TPD52: variants seen among roughly 807,000 people sequenced by gnomAD.
TPD52 encodes tumor protein D52.
TPD52 carries 17 observed loss-of-function variants against 31.3 expected under a neutral mutation model. The ratio of observed to expected loss-of-function variants is 0.54; its 90% CI spans 0.37 to 0.82. TPD52 has a LOEUF of 0.82. Ranked by LOEUF, TPD52 falls within the 40% of genes least tolerant of loss-of-function variation. The pLI is 0.00. For synonymous variants in TPD52, 83 were observed against 89.6 expected, an observed-to-expected ratio of 0.93 and a Z score of 0.42; for missense variants, 212 against 240.1, an observed-to-expected ratio of 0.88 and a Z score of 0.77.
At chr8:80,147,624 C>A (rs1207633588) in intron 1 of TPD52, among the ~76,000 whole-genome samples, 5 of 152,162 alleles carry the variant, frequency 3.3e-5, no homozygotes, top group Non-Finnish European at 7.3e-5. Context: ...GTGGCAGCGG[C>A]CACCCCAGCT....
chr8:80,082,558 A>G (rs1815401242), intron 1 of TPD52, among the ~76,000 whole-genome samples: 1 of 152,210 alleles, frequency 6.6e-6, no homozygotes, highest in Non-Finnish European at 1.5e-5. Context: ...GACCTTTGGT[A>G]TTTACATCCA....
At chr8:80,133,146 G>A (rs1028844545) in intron 1 of TPD52, among the ~76,000 whole-genome samples, 2 of 152,108 alleles carry the variant, frequency 1.3e-5, no homozygotes, top group East Asian at 3.9e-4. Flanking sequence ...TGTAAAACCA[G>A]GTATGCACAT....
At chr8:80,056,350 T>C (rs1811886847) in intron 2 of TPD52, among the ~76,000 whole-genome samples, 1 of 152,144 alleles carries the variant, frequency 6.6e-6, no homozygotes, top group South Asian at 2.1e-4. Flanking sequence ...AGTAAAATTG[T>C]GGGTGTTAGA....
At chr8:80,163,478 T>C (rs1295828152) in intron 1 of TPD52, among the ~76,000 whole-genome samples, 7 of 152,112 alleles carry the variant, frequency 4.6e-5, no homozygotes, top group Non-Finnish European at 8.8e-5. Flanking sequence ...AATGGGGAAG[T>C]TGGGAAGCTG....
intron 1 of TPD52, among the ~76,000 whole-genome samples, chr8:80,130,133 C>T (rs1482196439): frequency 6.6e-6 from 1 of 152,056 alleles, no homozygotes; most frequent in East Asian, 1.9e-4. Flanking sequence ...AGAGAGAAGA[C>T]AAGAGCATCT....
At chr8:80,047,700 T>C (rs1811004036) in intron 5 of TPD52, among the ~76,000 whole-genome samples, 1 of 152,194 alleles carries the variant, frequency 6.6e-6, no homozygotes, top group African/African-American at 2.4e-5. Context: ...AAGATATTCT[T>C]TTTCTGACAC....
chr8:80,062,481 A>G (rs1812655845), intron 2 of TPD52, among the ~76,000 whole-genome samples: 1 of 152,226 alleles, frequency 6.6e-6, no homozygotes, highest in African/African-American at 2.4e-5. Context: ...GGATTTAGAA[A>G]TGGATTCTTA....
At position 80,057,703 on chromosome 8, in the gene TPD52, A is replaced by C. The variant is rs118047084; in HGVS notation, c.136-4273T>G. 3.8e-3 allele frequency among the ~76,000 whole-genome samples: 571 copies of C among 152,246 alleles called. 8 individuals carry two copies. Among genetic ancestry groups the C allele is most frequent in the East Asian group, 0.031 (161 of 5,186 alleles). ...GAGAGTTGGGGGAAAGAGCTGAAAA[A>C]CCATGTTCACTACTTGGGCAACAGG... On this transcript the variant is annotated intron_variant, in intron 2 of 7. Coordinates refer to ENST00000518937, the MANE Select transcript of TPD52 (RefSeq NM_001025253.3).
intron 1 of TPD52, among the ~76,000 whole-genome samples, chr8:80,106,979 G>C (rs1807177043): frequency 1.3e-5 from 2 of 151,696 alleles, no homozygotes; most frequent in South Asian, 4.2e-4. Context: ...AGCCTCCCGA[G>C]TAGCTGGGAC....
intron 1 of TPD52, among the ~76,000 whole-genome samples, chr8:80,087,848 C>A (rs1201100820): frequency 6.6e-6 from 1 of 152,200 alleles, no homozygotes; most frequent in African/African-American, 2.4e-5. Context: ...CACCCCACAC[C>A]TCTTCATTCC....
intron 1 of TPD52, among the ~76,000 whole-genome samples, chr8:80,144,554 TA>T (rs1181194555): frequency 1.3e-5 from 2 of 152,212 alleles, no homozygotes; most frequent in Admixed American, 1.3e-4. Context: ...CTATGAAAGA[TA>T]ACAGATAGGT....
At chr8:80,044,024 A>T (rs1166191706) in intron 6 of TPD52, 143 bp downstream of exon 6, 3 of 635,632 alleles carry the variant, frequency 4.7e-6, no homozygotes, top group Admixed American at 3.6e-5. Flanking sequence ...GAGGAAGTGT[A>T]GCTGAAAACT....
chr8:80,139,501 A>C (rs1310830568), intron 1 of TPD52, among the ~76,000 whole-genome samples: 1 of 152,222 alleles, frequency 6.6e-6, no homozygotes, highest in Admixed American at 6.5e-5. Flanking sequence ...AAGACTGTAC[A>C]GTATATGGTC....
rs1318787378 is a variant in TPD52 at position 80,050,481 on chromosome 8, G to A, written c.387-10C>T. On this transcript the variant is annotated splice_polypyrimidine_tract_variant and intron_variant, in intron 4 of 7. Transcript: ENST00000518937. ...TGAAAAGGCTTGCAATCTGTAAGAA[G>A]CCAGAGTAAGCATTAAAAAAGAAAG... 1 of 1,601,476 alleles carries A rather than the reference G, an allele frequency of 6.2e-7. No homozygotes were observed. Among genetic ancestry groups the A allele is most frequent in the Non-Finnish European group, 8.5e-7 (1 of 1,174,382 alleles).
intron 1 of TPD52, among the ~76,000 whole-genome samples, chr8:80,135,769 T>C (rs1809346255): frequency 6.9e-6 from 1 of 145,984 alleles, no homozygotes; most frequent in Admixed American, 7.0e-5. Flanking sequence ...TAAGAAAATG[T>C]GGCACATATA....
intron 1 of TPD52, among the ~76,000 whole-genome samples, chr8:80,142,964 T>C (rs1330104103): frequency 1.3e-5 from 2 of 152,094 alleles, no homozygotes; most frequent in Non-Finnish European, 2.9e-5. Context: ...AGTTCACCAA[T>C]CAACAGAGCA....
intron 1 of TPD52, among the ~76,000 whole-genome samples, chr8:80,128,136 TTA>T (rs1211105158): frequency 6.6e-6 from 1 of 152,138 alleles, no homozygotes; most frequent in Non-Finnish European, 1.5e-5. Flanking sequence ...AAAGAAACAA[TTA>T]TCTCATAATG....
intron 1 of TPD52, among the ~76,000 whole-genome samples, chr8:80,125,306 C>T (rs1428381859): frequency 6.6e-6 from 1 of 152,132 alleles, no homozygotes; most frequent in African/African-American, 2.4e-5. Flanking sequence ...TAACGAGACC[C>T]CCTCTCTACA....
rs550221177 is a variant in TPD52, at chr8:80,060,156, A to G, written c.135+4322T>C. ...TAGCTAGACTGACCGAAAAAAAAAAAAGAGAGAGAAGGCATAAATAACTAA... is the reference window on the plus strand; with the variant it reads ...TAGCTAGACTGACCGAAAAAAAAAAGAGAGAGAGAAGGCATAAATAACTAA... On this transcript the variant is annotated intron_variant, in intron 2 of 7. Transcript: ENST00000518937. Among the ~76,000 whole-genome samples the G allele has an allele frequency of 1.1e-4, 17 of 151,802 alleles. 1 individual carries two copies. The South Asian group carries it at 2.9e-3, about 26-fold the overall frequency.
Sources: gnomAD v4.1 joint callset for allele counts (sites outside exome capture counted in the v4.1 genomes callset) on GRCh38, gnomAD v4.1.1 for gene constraint, MANE v1.5 for transcripts, NCBI Gene and HGNC (gene_info 2026-07-23, HGNC 2026-07-21) for gene names.